Variants in LAMA1 observed in about 807,000 individuals in gnomAD.
LAMA1 encodes laminin subunit alpha-1.
A neutral mutation model predicts 348.7 loss-of-function variants in LAMA1; 219 were observed. The ratio of observed to expected loss-of-function variants is 0.63; its 90% CI spans 0.56 to 0.70. LAMA1 has a LOEUF of 0.70. Ranked by LOEUF, LAMA1 falls within the 30% of genes least tolerant of loss-of-function variation. LAMA1 has a pLI of 0.00. For missense variants in LAMA1, 3,744 were observed against 3,888.0 expected (o/e 0.96, Z 0.99); for synonymous variants, 1,487 against 1,491.0 (o/e 1.00, Z 0.06).
chr18:6,979,666 A>T (rs34144160), intron 42 of LAMA1, among the ~76,000 whole-genome samples: 2 of 152,106 alleles, frequency 1.3e-5, no homozygotes, highest in African/African-American at 4.8e-5. Flanking sequence ...TTGGGAGGCC[A>T]AGGCGGGCGG....
chr18:7,117,580 A>T, intron 1 of LAMA1, 80 bp downstream of exon 1: 1 of 1,466,482 alleles, frequency 6.8e-7, no homozygotes. Context: ...AGCAGCCCCA[A>T]CGCGACGGGC....
intron 1 of LAMA1, among the ~76,000 whole-genome samples, chr18:7,109,673 G>A (rs2058327944): frequency 6.6e-6 from 1 of 152,180 alleles, no homozygotes; most frequent in South Asian, 2.1e-4. Context: ...AGTTAGACAG[G>A]AAGGAGACCC....
At chr18:6,957,042 G>A in intron 55 of LAMA1, 3 of 418,204 alleles carry the variant, frequency 7.2e-6, no homozygotes, top group South Asian at 2.1e-5. Flanking sequence ...CAGCTCCGAT[G>A]CCATCGCCTC....
intron 60 of LAMA1, among the ~76,000 whole-genome samples, chr18:6,947,944 C>T (rs1057360202): frequency 6.6e-6 from 1 of 152,120 alleles, no homozygotes; most frequent in Non-Finnish European, 1.5e-5. Context: ...AGGGCTGGAG[C>T]CTGAGCCCCA....
intron 1 of LAMA1, among the ~76,000 whole-genome samples, chr18:7,098,487 G>T (rs1161188992): frequency 1.3e-5 from 2 of 150,124 alleles, no homozygotes; most frequent in Non-Finnish European, 1.5e-5. Flanking sequence ...TGTGGGGAGC[G>T]CCTCTGCCCC....
chr18:7,005,390 G>T (rs1472796514), intron 29 of LAMA1, among the ~76,000 whole-genome samples: 2 of 152,216 alleles, frequency 1.3e-5, no homozygotes, highest in East Asian at 3.9e-4. Flanking sequence ...GCTCCCCATT[G>T]TTGCAGGTGT....
intron 45 of LAMA1, among the ~76,000 whole-genome samples, chr18:6,975,628 C>T (rs953644095): frequency 4.6e-4 from 70 of 152,182 alleles, no homozygotes; most frequent in Non-Finnish European, 1.3e-4. Flanking sequence ...AAAAACCTGA[C>T]AGAAGCTTGA....
chr18:7,044,852 G>T lies in LAMA1; in HGVS notation c.859-13C>A, dbSNP rs776088582. 2 of 1,584,396 alleles carry T rather than the reference G, an allele frequency of 1.3e-6. No homozygotes were observed. Among genetic ancestry groups the T allele is most frequent in the Non-Finnish European group, 1.7e-6 (2 of 1,152,858 alleles). The stretch of plus-strand genomic sequence containing the variant: ...GACACTGCAGTTTCTACACAATAAG[G>T]AAGCCAAAACTGAATTAGAAAATGT... On this transcript the variant is annotated splice_polypyrimidine_tract_variant and intron_variant, in intron 6 of 62. Coordinates refer to ENST00000389658, the MANE Select transcript of LAMA1 (RefSeq NM_005559.4).
At chr18:7,102,672 TTAG>T (rs2058296237) in intron 1 of LAMA1, among the ~76,000 whole-genome samples, 1 of 152,114 alleles carries the variant, frequency 6.6e-6, no homozygotes, top group South Asian at 2.1e-4. Flanking sequence ...AGGAACACAC[TTAG>T]TAGGATTCTT....
intron 46 of LAMA1, among the ~76,000 whole-genome samples, chr18:6,974,457 T>C: frequency 3.6e-5 from 5 of 139,718 alleles, no homozygotes; most frequent in Admixed American, 1.4e-4. Context: ...TTTCTTTTCT[T>C]TTTTTTTTTT....
chr18:7,085,005 G>C (rs1183081793), intron 1 of LAMA1, among the ~76,000 whole-genome samples: 1 of 152,000 alleles, frequency 6.6e-6, no homozygotes, highest in Non-Finnish European at 1.5e-5. Context: ...TTGTGTGTAA[G>C]AGAAGTATGA....
At chr18:6,948,320 C>T (rs2057531120) in intron 60 of LAMA1, 83 bp downstream of exon 60, 2 of 1,564,660 alleles carry the variant, frequency 1.3e-6, no homozygotes, top group South Asian at 2.2e-5. Context: ...TCCAGTGGGT[C>T]CTGTCTTATA....
intron 1 of LAMA1, among the ~76,000 whole-genome samples, chr18:7,096,351 T>C (rs1338451534): frequency 7.2e-5 from 11 of 152,184 alleles, no homozygotes; most frequent in Non-Finnish European, 1.5e-5. Flanking sequence ...TTTCCACTGG[T>C]GAAATTCATG....
chr18:7,083,558 A>T lies in LAMA1; in HGVS notation c.62-3101T>A, dbSNP rs140993632. ...ATATTTAGAAGAAATATACTTCATT[A>T]GCATGCCTATGCAAGTAAAACCTTC... On this transcript the variant is annotated intron_variant, in intron 1 of 62. Coordinates refer to ENST00000389658, the MANE Select transcript of LAMA1 (RefSeq NM_005559.4). 3.2e-4 allele frequency among the ~76,000 whole-genome samples: 49 copies of T among 152,318 alleles called. No homozygotes were observed. In the East Asian group the frequency reaches 8.1e-3, roughly 25 times the overall value.
chr18:7,061,160 A>G (rs1365407159), intron 3 of LAMA1, among the ~76,000 whole-genome samples: 1 of 152,312 alleles, frequency 6.6e-6, no homozygotes, highest in East Asian at 1.9e-4. Flanking sequence ...CCTGTCCCTC[A>G]TCCCCCACAA....
At chr18:7,022,520 G>T (rs2057922527) in intron 19 of LAMA1, among the ~76,000 whole-genome samples, 1 of 152,144 alleles carries the variant, frequency 6.6e-6, no homozygotes, top group Non-Finnish European at 1.5e-5. Context: ...AGTATGACTG[G>T]CGTTTATATG....
At chr18:6,984,366 A>G (rs1302229625) in intron 39 of LAMA1, among the ~76,000 whole-genome samples, 1 of 152,234 alleles carries the variant, frequency 6.6e-6, no homozygotes, top group Non-Finnish European at 1.5e-5. Flanking sequence ...CTTGTCACCC[A>G]TAACGCATAG....
Position 7,011,473 on chromosome 18 carries a change from G to A in LAMA1, c.3514C>T (p.Leu1172=). The change falls in exon 25 of 63, where the codon CTG becomes TTG. Residue 1172 remains leucine (L), a synonymous_variant. Coordinates refer to ENST00000389658, the MANE Select transcript of LAMA1 (RefSeq NM_005559.4). ...LEDYVRTPVT[L]GSDQPLLRVV... ...CGCAGAAGAGGCTGATCGGAGCCCA[G>A]CGTTACCTAAACCACGAAAGGAGGG... The A allele has an allele frequency of 6.2e-7, 1 of 1,603,410 alleles. No individual in the cohort carries two copies. Among genetic ancestry groups the A allele is most frequent in the South Asian group, 1.1e-5 (1 of 88,770 alleles).
intron 11 of LAMA1, 190 bp downstream of exon 11, chr18:7,038,620 G>T: frequency 1.4e-6 from 1 of 730,974 alleles, no homozygotes; most frequent in Non-Finnish European, 2.4e-6. Context: ...AATGTGTGTG[G>T]GAGTAAGCAC....
Sources: allele counts gnomAD v4.1 joint callset (sites outside exome capture counted in the v4.1 genomes callset), GRCh38; gene constraint gnomAD v4.1.1; transcripts MANE v1.5; gene names NCBI Gene and HGNC (gene_info 2026-07-23, HGNC 2026-07-21).